Variants in TBL1XR1 observed in about 807,000 individuals in gnomAD.
TBL1XR1 encodes the protein TBL1X/Y related 1, also known as F-box-like/WD repeat-containing protein TBL1XR1.
In TBL1XR1, 5 loss-of-function variants were observed where a neutral mutation model predicts 66.9. The observed-to-expected ratio is 0.07, with a 90% confidence interval of 0.04 to 0.16. The LOEUF is 0.16. TBL1XR1 is among the 10% of genes least tolerant of loss of function. The probability of loss-of-function intolerance (pLI) is 1.00; values close to 1 mark genes in which losing one functional copy is unlikely to be tolerated. For synonymous variants in TBL1XR1, 210 were observed against 206.0 expected, an observed-to-expected ratio of 1.02 and a Z score of -0.17; for missense variants, 238 against 623.2, an observed-to-expected ratio of 0.38 and a Z score of 6.58.
intron 9 of TBL1XR1, among the ~76,000 whole-genome samples, chr3:177,046,508 T>C (rs1326995983): frequency 2.0e-5 from 3 of 152,198 alleles, no homozygotes; most frequent in Non-Finnish European, 4.4e-5. Context: ...AAGACTCGTA[T>C]AGATGTTTAG....
At chr3:177,120,322 A>G (rs1460037894) in intron 1 of TBL1XR1, among the ~76,000 whole-genome samples, 1 of 151,992 alleles carries the variant, frequency 6.6e-6, no homozygotes, top group African/African-American at 2.4e-5. Context: ...TCTTACCAGG[A>G]TGTTTCTAAA....
intron 1 of TBL1XR1, among the ~76,000 whole-genome samples, chr3:177,100,278 T>C (rs1470816536): frequency 6.6e-6 from 1 of 152,208 alleles, no homozygotes; most frequent in African/African-American, 2.4e-5. Context: ...AAAAGATAGA[T>C]AAATTATTTA....
At chr3:177,144,492 G>A (rs531614094) in intron 1 of TBL1XR1, among the ~76,000 whole-genome samples, 3 of 152,212 alleles carry the variant, frequency 2.0e-5, no homozygotes, top group East Asian at 1.9e-4. Flanking sequence ...GGTGGCTCAC[G>A]CCTGTAATCC....
Position 177,197,310 on chromosome 3 carries a change from G to A in TBL1XR1, c.-311C>T, listed in dbSNP as rs2109030859. On this transcript the variant is annotated 5_prime_UTR_variant, in exon 1 of 16. Coordinates refer to ENST00000457928, the MANE Select transcript of TBL1XR1 (RefSeq NM_024665.7). ...GGCGCCGGGCGGGCGGGGGCGGGGA[G>A]CGCGGCGCGGGTCCCCAGGTGGCGA... 6.8e-6 allele frequency: 1 copy of A among 147,968 alleles called. No homozygotes were observed. The highest frequency in any genetic ancestry group is 2.0e-4 in the East Asian group (1 of 4,922). The allele number at this position is 147,968 out of a possible 1,614,324, so 9.2% of individuals were successfully genotyped here.
Position 177,064,125 on chromosome 3 carries a change from G to A in TBL1XR1, c.58+795C>T, listed in dbSNP as rs532348846. ...ACTACCAAAATTATCTTTTTTATGG[G>A]GCACCTCACCTTACTGCTAAAACAT... On this transcript the variant is annotated intron_variant, in intron 3 of 15. Transcript: ENST00000457928. Among the ~76,000 whole-genome samples, 8 of 151,998 alleles carry A rather than the reference G, an allele frequency of 5.3e-5. No homozygotes were observed. In the South Asian group the frequency reaches 1.5e-3, roughly 28 times the overall value.
At chr3:177,127,034 G>A (rs1027326202) in intron 1 of TBL1XR1, among the ~76,000 whole-genome samples, 1 of 152,124 alleles carries the variant, frequency 6.6e-6, no homozygotes, top group Non-Finnish European at 1.5e-5. Context: ...CATAAAATGC[G>A]TTCAACAATA....
chr3:177,185,329 C>T (rs1735276651), intron 1 of TBL1XR1, among the ~76,000 whole-genome samples: 1 of 152,210 alleles, frequency 6.6e-6, no homozygotes, highest in African/African-American at 2.4e-5. Flanking sequence ...AGCCAACCGG[C>T]CAGGGGCAGT....
In TBL1XR1 at chr3:177,053,618, C is replaced by G. The variant is rs551537733; in HGVS notation, c.204+155G>C. On this transcript the variant is annotated intron_variant, in intron 4 of 15. Coordinates refer to ENST00000457928, the MANE Select transcript of TBL1XR1 (RefSeq NM_024665.7). ...TTACAACTAGGCGCCAACACCTTGC[C>G]GGTGCAACCTGACTACCACATTAGG... Among the ~76,000 whole-genome samples, 6 of 152,264 alleles carry G rather than the reference C, an allele frequency of 3.9e-5. No individual in the cohort carries two copies. The South Asian group carries it at 1.2e-3, about 32-fold the overall frequency.
chr3:177,084,974 A>G (rs1007831564), intron 2 of TBL1XR1, among the ~76,000 whole-genome samples: 5 of 152,204 alleles, frequency 3.3e-5, no homozygotes, highest in African/African-American at 7.2e-5. Flanking sequence ...TCTTCTGAGC[A>G]CACTTGTTCA....
chr3:177,193,998 T>C (rs995327097), intron 1 of TBL1XR1: 13 of 152,258 alleles, frequency 8.5e-5, no homozygotes, highest in African/African-American at 3.1e-4. Flanking sequence ...TCCTAGAGCA[T>C]AGCCCGGAGC....
chr3:177,172,178 T>C (rs9681749), intron 1 of TBL1XR1, among the ~76,000 whole-genome samples: 75,157 of 150,644 alleles, frequency 0.5, 19,529 homozygotes, highest in Non-Finnish European at 0.57. Flanking sequence ...GGAAAATCAC[T>C]TGAACCCGGG....
At chr3:177,127,473 A>G (rs143594946) in intron 1 of TBL1XR1, among the ~76,000 whole-genome samples, 1 of 152,308 alleles carries the variant, frequency 6.6e-6, no homozygotes, top group East Asian at 1.9e-4. Flanking sequence ...CTGGTATAGC[A>G]GGTGCTCAAG....
intron 3 of TBL1XR1, among the ~76,000 whole-genome samples, chr3:177,064,366 GT>G (rs775700722): frequency 2.6e-5 from 4 of 151,934 alleles, no homozygotes; most frequent in Non-Finnish European, 5.9e-5. Context: ...TATTCCTTCT[GT>G]TTTATCTATC....
intron 2 of TBL1XR1, among the ~76,000 whole-genome samples, chr3:177,074,558 A>G (rs1195378370): frequency 6.6e-6 from 1 of 152,052 alleles, no homozygotes; most frequent in Non-Finnish European, 1.5e-5. Context: ...TGCCTTGACA[A>G]CTTCCTCATC....
intron 1 of TBL1XR1, among the ~76,000 whole-genome samples, chr3:177,162,626 A>G (rs974072575): frequency 6.6e-6 from 1 of 152,236 alleles, no homozygotes; most frequent in African/African-American, 2.4e-5. Context: ...AAAACTCATC[A>G]AAACAGTACA....
chr3:177,182,154 C>T (rs1383116555), intron 1 of TBL1XR1, among the ~76,000 whole-genome samples: 1 of 151,874 alleles, frequency 6.6e-6, no homozygotes, highest in African/African-American at 2.4e-5. Context: ...TGGGAAGCTA[C>T]AGCAGGTGGA....
At chr3:177,184,038 A>C (rs1643572601) in intron 1 of TBL1XR1, among the ~76,000 whole-genome samples, 1 of 152,120 alleles carries the variant, frequency 6.6e-6, no homozygotes, top group Admixed American at 6.5e-5. Context: ...TGTCAAAGTC[A>C]CAGTGCAGCA....
At chr3:177,095,253 C>T (rs999998225) in intron 2 of TBL1XR1, among the ~76,000 whole-genome samples, 6 of 151,630 alleles carry the variant, frequency 4.0e-5, no homozygotes, top group African/African-American at 9.7e-5. Context: ...TAGGAGAGGG[C>T]GGGTGCTGTT....
Position 177,038,314 on chromosome 3 carries a change from G to A in TBL1XR1, c.1046C>T (p.Thr349Met), listed in dbSNP as rs755938084. Reference protein sequence around the residue: ...DRPIKTFQGHTNEVNAIKWDP... With the variant: ...DRPIKTFQGHMNEVNAIKWDP... ...TAATGTGGAAAAAAGGTTTCTTACCGTATGTCCTTGGAATGTTTTAATAGG... is the reference window on the plus strand; with the variant it reads ...TAATGTGGAAAAAAGGTTTCTTACCATATGTCCTTGGAATGTTTTAATAGG... Residue 349 changes from threonine to methionine, a missense_variant and splice_region_variant, in exon 11 of 16, where the codon ACG (threonine) becomes ATG (methionine). Transcript: ENST00000457928. 4 of 1,595,522 alleles carry A rather than the reference G, an allele frequency of 2.5e-6. No homozygotes were observed. Among genetic ancestry groups the A allele is most frequent in the African/African-American group, 1.3e-5 (1 of 74,478 alleles).
Sources: gnomAD v4.1 joint callset for allele counts (sites outside exome capture counted in the v4.1 genomes callset) on GRCh38, gnomAD v4.1.1 for gene constraint, MANE v1.5 for transcripts, NCBI Gene and HGNC (gene_info 2026-07-23, HGNC 2026-07-21) for gene names.